The following ABCB11 variants were observed in gnomAD, a reference collection of about 807,000 sequenced individuals.
The protein encoded by ABCB11 is bile salt export pump.
In ABCB11, 95 loss-of-function variants were observed where a neutral mutation model predicts 148.0. The observed-to-expected ratio is 0.64, with a 90% CI of 0.54 to 0.76. The LOEUF (loss-of-function observed/expected upper bound fraction) is 0.76, where lower values mean the gene tolerates loss of function less well. ABCB11 is among the 30% of genes least tolerant of loss of function. The pLI, the probability that ABCB11 is intolerant of heterozygous loss-of-function variation, is 0.00. For synonymous variants in ABCB11, 591 were observed against 555.4 expected (o/e 1.06, Z -0.90); for missense variants, 1,523 against 1,617.8 (o/e 0.94, Z 1.01).
rs765939366 is a variant in ABCB11, at chr2:168,956,154, G to A, written c.2343+1810C>T. Among the ~76,000 whole-genome samples, 8 of 151,618 alleles carry A rather than the reference G, an allele frequency of 5.3e-5. No individual in the cohort carries two copies. The East Asian group carries it at 5.9e-4, about 11-fold the overall frequency. On this transcript the variant is annotated intron_variant, in intron 19 of 27. Transcript: ENST00000650372. ...GGCCAAACCAGGAGGAAGAGAGAGC[G>A]AAAGGGGAAGACTACAAAGTTTTAA...
intron 5 of ABCB11, among the ~76,000 whole-genome samples, chr2:169,005,326 G>C (rs905266873): frequency 6.6e-6 from 1 of 152,078 alleles, no homozygotes; most frequent in Admixed American, 6.5e-5. Context: ...TAGGGGCAGG[G>C]ATAGGCGCCT....
intron 5 of ABCB11, among the ~76,000 whole-genome samples, chr2:169,002,580 T>C (rs926241118): frequency 6.6e-6 from 1 of 152,144 alleles, no homozygotes; most frequent in African/African-American, 2.4e-5. Context: ...GTGGTACATA[T>C]AGATAATGGA....
At chr2:168,972,109 A>G in intron 13 of ABCB11, 59 bp from the exon 14 acceptor site, 1 of 1,488,148 alleles carries the variant, frequency 6.7e-7, no homozygotes, top group South Asian at 1.2e-5. Context: ...CTGAATCATA[A>G]TATTATGTCA....
intron 21 of ABCB11, among the ~76,000 whole-genome samples, chr2:168,943,697 C>T (rs1372108846): frequency 6.6e-6 from 1 of 151,990 alleles, no homozygotes; most frequent in Non-Finnish European, 1.5e-5. Flanking sequence ...TGAAAGGATT[C>T]CATGATCCGT....
At chr2:168,971,698 C>G in intron 14 of ABCB11, 149 bp downstream of exon 14, 1 of 700,596 alleles carries the variant, frequency 1.4e-6, no homozygotes, top group Middle Eastern at 4.2e-4. Context: ...AAAGGAAACA[C>G]TCATGGTACT....
chr2:168,929,785 A>G (rs1237114930), intron 25 of ABCB11, among the ~76,000 whole-genome samples: 1 of 152,222 alleles, frequency 6.6e-6, no homozygotes, highest in African/African-American at 2.4e-5. Flanking sequence ...AGGCCTAAAA[A>G]ATGATATAAC....
chr2:168,982,413 T>G (rs1694162299), intron 10 of ABCB11, among the ~76,000 whole-genome samples: 1 of 152,278 alleles, frequency 6.6e-6, no homozygotes, highest in South Asian at 2.1e-4. Context: ...CTTGACACTT[T>G]GTATATACTG....
At chr2:169,020,243 T>A (rs953546599) in intron 1 of ABCB11, among the ~76,000 whole-genome samples, 1 of 152,142 alleles carries the variant, frequency 6.6e-6, no homozygotes, top group Non-Finnish European at 1.5e-5. Flanking sequence ...ACAACTATAA[T>A]TAAATATATG....
At chr2:168,965,906 C>T (rs990264944) in intron 17 of ABCB11, among the ~76,000 whole-genome samples, 3 of 151,866 alleles carry the variant, frequency 2.0e-5, no homozygotes, top group Non-Finnish European at 4.4e-5. Context: ...GTTAATGGCA[C>T]TTCCATCCTC....
At chr2:168,930,028 GC>G (rs1370171164) in intron 25 of ABCB11, among the ~76,000 whole-genome samples, 1 of 151,928 alleles carries the variant, frequency 6.6e-6, no homozygotes, top group African/African-American at 2.4e-5. Flanking sequence ...CAGGGGGGTG[GC>G]TTTTTATTAT....
At position 168,922,007 on chromosome 2, in the gene ABCB11, C is replaced by A. The variant is rs974561748; in HGVS notation, c.*1615G>T. Among the ~76,000 whole-genome samples the A allele has an allele frequency of 1.3e-5, 2 of 151,966 alleles. No homozygotes were observed. Among genetic ancestry groups the A allele is most frequent in the Non-Finnish European group, 2.9e-5 (2 of 67,974 alleles). ...GGGACTACAGGCGCCCGCCACCACG[C>A]CCGGCTAATTTTTTTGTATTTTTAG... On this transcript the variant is annotated 3_prime_UTR_variant, in exon 28 of 28. Coordinates refer to ENST00000650372, the MANE Select transcript of ABCB11 (RefSeq NM_003742.4).
chr2:168,971,508 T>C (rs1390357090), intron 14 of ABCB11, among the ~76,000 whole-genome samples: 1 of 152,024 alleles, frequency 6.6e-6, no homozygotes, highest in Non-Finnish European at 1.5e-5. Flanking sequence ...ACATTTAGCA[T>C]CTGCTTAGAC....
At chr2:169,007,568 C>T (rs74586640) in intron 5 of ABCB11, among the ~76,000 whole-genome samples, 210 of 152,268 alleles carry the variant, frequency 1.4e-3, no homozygotes, top group African/African-American at 4.8e-3. Context: ...TTCACATGGC[C>T]AGAGCCATTA....
chr2:168,952,226 G>A (rs1009828310), intron 19 of ABCB11, among the ~76,000 whole-genome samples: 5 of 151,596 alleles, frequency 3.3e-5, no homozygotes, highest in Non-Finnish European at 5.9e-5. Flanking sequence ...TTGGTATCAG[G>A]TGATATTGGC....
chr2:168,990,250 G>A (rs1484707365), intron 9 of ABCB11, among the ~76,000 whole-genome samples: 1 of 151,982 alleles, frequency 6.6e-6, no homozygotes, highest in Non-Finnish European at 1.5e-5. Flanking sequence ...TTTCTTTCAT[G>A]GGAGACTTTT....
chr2:168,992,625 A>G (rs1031903454), intron 8 of ABCB11, among the ~76,000 whole-genome samples: 2 of 152,072 alleles, frequency 1.3e-5, no homozygotes, highest in Admixed American at 6.6e-5. Context: ...CTGAATCATC[A>G]TAATGTTTTT....
Position 168,936,857 on chromosome 2 carries a change from C to G in ABCB11, c.2611-424G>C, listed in dbSNP as rs1397441173. On this transcript the variant is annotated intron_variant, in intron 21 of 27. Coordinates refer to ENST00000650372, the MANE Select transcript of ABCB11 (RefSeq NM_003742.4). ...CTTCAGGCATGTTGTAGCAGGTATA[C>G]AAATTTCATTCCTTTTTATTTTTAT... 4.6e-5 allele frequency among the ~76,000 whole-genome samples: 7 copies of G among 152,174 alleles called. No individual in the cohort carries two copies. The East Asian group carries it at 1.2e-3, about 25-fold the overall frequency.
At chr2:168,976,751 T>C (rs932555637) in intron 11 of ABCB11, 64 bp from the exon 12 acceptor site, 5 of 983,700 alleles carry the variant, frequency 5.1e-6, no homozygotes, top group Middle Eastern at 4.2e-4. Context: ...TCAATTCAAA[T>C]TGTAAATTCA....
At chr2:169,021,360 T>C (rs976493612) in intron 1 of ABCB11, among the ~76,000 whole-genome samples, 2 of 148,154 alleles carry the variant, frequency 1.3e-5, no homozygotes, top group African/African-American at 4.9e-5. Context: ...CAAATACTGA[T>C]GTCTCAAAGC....
Sources: allele counts gnomAD v4.1 joint callset (sites outside exome capture counted in the v4.1 genomes callset), GRCh38; gene constraint gnomAD v4.1.1; transcripts MANE v1.5; gene names NCBI Gene and HGNC (gene_info 2026-07-23, HGNC 2026-07-21).